Variants in DAB1 observed in about 807,000 individuals in gnomAD.
The protein encoded by DAB1 is DAB adaptor protein 1, also known as disabled homolog 1.
A neutral mutation model predicts 64.6 loss-of-function variants in DAB1; 15 were observed. The ratio of observed to expected loss-of-function variants is 0.23; its 90% CI spans 0.16 to 0.36. The LOEUF is 0.36. Among genes scored for constraint, DAB1 ranks in the 10% least tolerant of loss-of-function variants. DAB1 has a pLI of 1.00. For missense variants in DAB1, 596 were observed against 706.7 expected (o/e 0.84, Z 1.78); for synonymous variants, 235 against 251.9 (o/e 0.93, Z 0.64).
chr1:57,552,218 A>G (rs1644922395), intron 7 of DAB1, among the ~76,000 whole-genome samples: 1 of 152,162 alleles, frequency 6.6e-6, no homozygotes, highest in Non-Finnish European at 1.5e-5. Flanking sequence ...TCCTTTCATG[A>G]GTCATTTTTT....
At chr1:57,963,570 T>C (rs530381826) in intron 5 of DAB1, among the ~76,000 whole-genome samples, 1 of 152,326 alleles carries the variant, frequency 6.6e-6, no homozygotes, top group East Asian at 1.9e-4. Flanking sequence ...AATTGATCAT[T>C]AAATGATTTC....
intron 9 of DAB1, among the ~76,000 whole-genome samples, chr1:57,054,983 T>C (rs1309226710): frequency 6.6e-6 from 1 of 152,214 alleles, no homozygotes. Context: ...AGAAGGTACT[T>C]ACATTTCTCC....
chr1:57,248,643 C>T (rs1299790569), intron 2 of DAB1, among the ~76,000 whole-genome samples: 6 of 152,098 alleles, frequency 3.9e-5, no homozygotes, highest in East Asian at 3.9e-4. Flanking sequence ...GATTTCCTGC[C>T]GTGTAATTCT....
intron 6 of DAB1, among the ~76,000 whole-genome samples, chr1:57,770,165 A>G (rs911680697): frequency 6.6e-6 from 1 of 152,208 alleles, no homozygotes; most frequent in Non-Finnish European, 1.5e-5. Context: ...TCAATCTAGA[A>G]GAGCCTTGGT....
chr1:57,116,254 G>A (rs886255870), intron 4 of DAB1, among the ~76,000 whole-genome samples: 7 of 151,770 alleles, frequency 4.6e-5, no homozygotes, highest in Non-Finnish European at 7.4e-5. Context: ...ACAAGTTCAG[G>A]AGTTCGAGAC....
intron 7 of DAB1, among the ~76,000 whole-genome samples, chr1:57,500,120 G>A (rs966591306): frequency 6.6e-6 from 1 of 152,242 alleles, no homozygotes; most frequent in Non-Finnish European, 1.5e-5. Flanking sequence ...AACAGAGTGA[G>A]CTGAAAACCA....
intron 3 of DAB1, among the ~76,000 whole-genome samples, chr1:58,394,036 T>C (rs1002648722): frequency 1.3e-5 from 2 of 152,048 alleles, no homozygotes; most frequent in African/African-American, 4.8e-5. Context: ...AATATGAAAA[T>C]AATACTTGTA....
chr1:57,277,641 TG>T lies in DAB1; in HGVS notation c.67+13322del, dbSNP rs1395478453. Among the ~76,000 whole-genome samples, 5 of 152,332 alleles carry T rather than the reference TG, an allele frequency of 3.3e-5. No individual in the cohort carries two copies. In the East Asian group the frequency reaches 9.6e-4, roughly 29 times the overall value. On this transcript the variant is annotated intron_variant, in intron 2 of 14. Transcript: ENST00000371236. Reference sequence around the variant, plus strand: ...AATGACATTCAATGTCTTTAGCACATGCTTCTGTATCACTGTTAATAAGGGA... The same window carrying T: ...AATGACATTCAATGTCTTTAGCACATCTTCTGTATCACTGTTAATAAGGGA...
intron 5 of DAB1, among the ~76,000 whole-genome samples, chr1:58,099,907 C>T (rs1210413954): frequency 1.3e-5 from 2 of 152,168 alleles, no homozygotes; most frequent in African/African-American, 4.8e-5. Flanking sequence ...TGTGATGTCC[C>T]TTTCCTTGGG....
intron 2 of DAB1, among the ~76,000 whole-genome samples, chr1:57,211,979 C>T (rs575309837): frequency 3.2e-4 from 49 of 152,322 alleles, no homozygotes; most frequent in Admixed American, 5.9e-4. Flanking sequence ...CCCAAAGATA[C>T]TGAGGAATGC....
intron 2 of DAB1, among the ~76,000 whole-genome samples, chr1:57,250,633 G>C (rs1159351159): frequency 3.9e-5 from 6 of 152,020 alleles, no homozygotes; most frequent in Non-Finnish European, 8.8e-5. Context: ...CTATACTCTA[G>C]TAAGAATCCA....
intron 1 of DAB1, among the ~76,000 whole-genome samples, chr1:57,349,754 CG>C (rs1678424484): frequency 6.6e-6 from 1 of 152,042 alleles, no homozygotes; most frequent in Non-Finnish European, 1.5e-5. Flanking sequence ...CCCCTCCTAG[CG>C]GGGGAAATCA....
At chr1:57,967,452 T>C (rs568914544) in intron 5 of DAB1, among the ~76,000 whole-genome samples, 6 of 152,206 alleles carry the variant, frequency 3.9e-5, no homozygotes, top group African/African-American at 9.6e-5. Context: ...TAGGTATACC[T>C]GAATTGGATC....
intron 6 of DAB1, among the ~76,000 whole-genome samples, chr1:57,791,084 T>G (rs1309829180): frequency 6.6e-6 from 1 of 152,232 alleles, no homozygotes; most frequent in East Asian, 1.9e-4. Context: ...ATGTGTAGGA[T>G]TCTGTGAAAA....
chr1:57,928,091 T>C (rs552353226), intron 5 of DAB1, among the ~76,000 whole-genome samples: 1 of 152,302 alleles, frequency 6.6e-6, no homozygotes, highest in Admixed American at 6.5e-5. Flanking sequence ...AAAAGTTATA[T>C]ACAATGAAAT....
chr1:58,027,418 A>G (rs981759760), intron 5 of DAB1, among the ~76,000 whole-genome samples: 1 of 152,150 alleles, frequency 6.6e-6, no homozygotes, highest in Non-Finnish European at 1.5e-5. Flanking sequence ...ATAATATTAA[A>G]GTTAATTTTC....
At chr1:57,063,840 C>G (rs1335939536) in intron 8 of DAB1, among the ~76,000 whole-genome samples, 1 of 152,184 alleles carries the variant, frequency 6.6e-6, no homozygotes, top group East Asian at 1.9e-4. Context: ...AATGAGTCAA[C>G]CAAGGGTTTT....
intron 7 of DAB1, among the ~76,000 whole-genome samples, chr1:57,438,705 C>A (rs1685791061): frequency 6.6e-6 from 1 of 152,104 alleles, no homozygotes; most frequent in Non-Finnish European, 1.5e-5. Context: ...CTTCTGGAGT[C>A]CCATGATAAT....
chr1:57,957,714 A>G (rs1368957921), intron 5 of DAB1, among the ~76,000 whole-genome samples: 2 of 152,194 alleles, frequency 1.3e-5, no homozygotes, highest in African/African-American at 2.4e-5. Context: ...GGATTGGTCA[A>G]CGAGGTAGAA....
Sources: gnomAD v4.1 joint callset for allele counts (sites outside exome capture counted in the v4.1 genomes callset) on GRCh38, gnomAD v4.1.1 for gene constraint, MANE v1.5 for transcripts, NCBI Gene and HGNC (gene_info 2026-07-23, HGNC 2026-07-21) for gene names.